The following COMMD2 variants were observed in gnomAD, a reference collection of about 807,000 sequenced individuals.
COMMD2 encodes COMM domain containing 2.
COMMD2 carries 25 observed loss-of-function variants against 22.5 expected under a neutral mutation model. That is an observed-to-expected ratio of 1.11 (90% CI 0.81 to 1.55). The LOEUF (loss-of-function observed/expected upper bound fraction) is 1.55. COMMD2 is among the 40% of genes most tolerant of loss of function. The probability of loss-of-function intolerance (pLI) is 0.00; values close to 1 mark genes in which losing one functional copy is unlikely to be tolerated. For missense variants in COMMD2, 223 were observed against 232.9 expected (o/e 0.96, Z 0.28); for synonymous variants, 98 against 91.2 (o/e 1.07, Z -0.42).
Position 149,750,850 on chromosome 3 carries a change from A to ATCATGAGCTTTGAGC in COMMD2, c.229_230insGCTCAAAGCTCATGA (p.Ser72_Met76dup). The ATCATGAGCTTTGAGC allele has an allele frequency of 6.4e-7, 1 of 1,553,254 alleles. No individual in the cohort carries two copies. The highest frequency in any genetic ancestry group is 8.7e-7 in the Non-Finnish European group (1 of 1,144,450). ...AGAGTCTTGGAAATCCAGTTCAGAAATCTAAGTGAATTGAGTTTAAAAGAA... is the reference window on the plus strand; with the variant it reads ...AGAGTCTTGGAAATCCAGTTCAGAAATCATGAGCTTTGAGCTCTAAGTGAATTGAGTTTAAAAGAA... On this transcript the variant is annotated inframe_insertion and splice_region_variant, in exon 4 of 5. Transcript: ENST00000473414.
rs1425249719 is a variant in COMMD2, at chr3:149,739,541, C to T, written c.*1980G>A. On this transcript the variant is annotated 3_prime_UTR_variant, in exon 5 of 5. Coordinates refer to ENST00000473414, the MANE Select transcript of COMMD2 (RefSeq NM_016094.4). ...TTTCTTGTTTTAATTGGGGTAAGAACAGTGGACAAAGAGTTGGAGATAGGT... is the reference window on the plus strand; with the variant it reads ...TTTCTTGTTTTAATTGGGGTAAGAATAGTGGACAAAGAGTTGGAGATAGGT... The T allele has an allele frequency of 6.6e-6, 1 of 152,194 alleles. No individual in the cohort carries two copies. Among genetic ancestry groups the T allele is most frequent in the East Asian group, 1.9e-4 (1 of 5,200 alleles). 9.4% of individuals were successfully genotyped at this position (152,194 alleles called of 1,614,324 possible). A position where few individuals can be genotyped will look rare whatever the true frequency, so the allele number is the denominator to read the frequency against.
rs949525159 is a variant in COMMD2 at position 149,740,463 on chromosome 3, T to C, written c.*1058A>G. The C allele has an allele frequency of 7.2e-5, 11 of 152,216 alleles. No homozygotes were observed. Among genetic ancestry groups the C allele is most frequent in the Admixed American group, 1.3e-4 (2 of 15,282 alleles). 9.4% of individuals were successfully genotyped at this position (152,216 alleles called of 1,614,324 possible). A position where few individuals can be genotyped will look rare whatever the true frequency, so the allele number is the denominator to read the frequency against. On this transcript the variant is annotated 3_prime_UTR_variant, in exon 5 of 5. Transcript: ENST00000473414. ...ATTTGTAAATGTAAATGACAGAGTG[T>C]CTCCTAGATGCTTTGGGTATGGTGG...
chr3:149,740,553 T>G lies in COMMD2; in HGVS notation c.*968A>C, dbSNP rs1222896758. 6.6e-6 allele frequency: 1 copy of G among 152,168 alleles called. No homozygotes were observed. The highest frequency in any genetic ancestry group is 1.5e-5 in the Non-Finnish European group (1 of 68,022). The allele number at this position is 152,168 out of a possible 1,614,324, so 9.4% of individuals were successfully genotyped here. ...AAATTTGAGTACTATTTAAGCCAAT[T>G]AATTAACCATGATCACTCAAACTTA... On this transcript the variant is annotated 3_prime_UTR_variant, in exon 5 of 5. Transcript: ENST00000473414.
At position 149,741,631 on chromosome 3, in the gene COMMD2, CTTT is replaced by C; in HGVS notation, c.487_489del (p.Lys163del). On this transcript the variant is annotated inframe_deletion, in exon 5 of 5. Transcript: ENST00000473414. The stretch of plus-strand genomic sequence containing the variant: ...AGGGTGGCTGGGTCTGTCTGCAGAA[CTTT>C]GGTGTTGTGATCTCCATTTTGATTA... 1 of 1,613,932 alleles carries C rather than the reference CTTT, an allele frequency of 6.2e-7. No homozygotes were observed. Among genetic ancestry groups the C allele is most frequent in the South Asian group, 1.1e-5 (1 of 91,078 alleles).
In COMMD2 at chr3:149,752,192, TCCC is replaced by T; in HGVS notation, c.145+15_145+17del. Reference sequence around the variant, plus strand: ...ACCGCCCTAGAAGCCTGCGGAGCCTTCCCCTTTCCCTTCTTACTGGCGGCGCCT... The same window carrying T: ...ACCGCCCTAGAAGCCTGCGGAGCCTTCTTTCCCTTCTTACTGGCGGCGCCT... On this transcript the variant is annotated intron_variant, in intron 2 of 4. Transcript: ENST00000473414. 6.2e-7 allele frequency: 1 copy of T among 1,610,646 alleles called. No individual in the cohort carries two copies. The highest frequency in any genetic ancestry group is 8.5e-7 in the Non-Finnish European group (1 of 1,177,514).
At chr3:149,742,721 C>A (rs547031679) in intron 4 of COMMD2, among the ~76,000 whole-genome samples, 1 of 152,122 alleles carries the variant, frequency 6.6e-6, no homozygotes, top group Non-Finnish European at 1.5e-5. Flanking sequence ...GTAATCTCAG[C>A]ACTTTTGGGG....
At chr3:149,750,609 C>T in intron 4 of COMMD2, 69 bp downstream of exon 4, 2 of 1,158,670 alleles carry the variant, frequency 1.7e-6, no homozygotes, top group South Asian at 1.7e-5. Flanking sequence ...GTAAAGAATA[C>T]AATAAACAGG....
rs993395773 is a variant in COMMD2, at chr3:149,750,591, T to C, written c.402+87A>G. ...AACAAAGTTTCAAACCGCATCTTAG[T>C]TAAGGTGGTAAAGAATACAATAAAC... On this transcript the variant is annotated intron_variant, in intron 4 of 4. Transcript: ENST00000473414. The C allele has an allele frequency of 6.6e-6, 6 of 912,868 alleles. No homozygotes were observed. In the African/African-American group the frequency reaches 1.0e-4, roughly 15 times the overall value. 56.5% of individuals were successfully genotyped at this position (912,868 alleles called of 1,614,324 possible).
chr3:149,751,614 T>C (rs550215317), intron 2 of COMMD2, 129 bp from the exon 3 acceptor site: 12 of 803,844 alleles, frequency 1.5e-5, no homozygotes, highest in Non-Finnish European at 2.0e-5. Flanking sequence ...AACAGTAAGT[T>C]GGCCAGAGGC....
rs1185421779 is a variant in COMMD2 at position 149,741,664 on chromosome 3, G to C, written c.457C>G (p.His153Asp). 6.2e-7 allele frequency: 1 copy of C among 1,614,016 alleles called. No homozygotes were observed. Among genetic ancestry groups the C allele is most frequent in the Middle Eastern group, 1.6e-4 (1 of 6,062 alleles). Residue 153 changes from histidine (H) to aspartate (D), a missense_variant, in exon 5 of 5, where the codon CAC (histidine) becomes GAC (aspartate). His to Asp is a moderately conservative substitution (Grantham distance 81). Transcript: ENST00000473414. Reference sequence around the variant, plus strand: ...TTGTGATCTCCATTTTGATTAAGGTGTAGCTTTATAGTCACTGCTGGTTTA... The same window carrying C: ...TTGTGATCTCCATTTTGATTAAGGTCTAGCTTTATAGTCACTGCTGGTTTA... ...QIKPAVTIKLHLNQNGDHNTK... is the reference protein window; with the variant it reads ...QIKPAVTIKLDLNQNGDHNTK...
At chr3:149,751,982 T>G in intron 2 of COMMD2, 1 of 501,868 alleles carries the variant, frequency 2.0e-6, no homozygotes, top group South Asian at 3.3e-5. Context: ...GGTGGTATTA[T>G]GTACATTTTA....
chr3:149,750,476 A>G, intron 4 of COMMD2: 1 of 557,514 alleles, frequency 1.8e-6, no homozygotes, highest in East Asian at 3.1e-5. Context: ...CCAATTTCTT[A>G]CAAACTTTGC....
chr3:149,741,831 G>T, intron 4 of COMMD2, 113 bp from the exon 5 acceptor site: 1 of 798,136 alleles, frequency 1.3e-6, no homozygotes, highest in Non-Finnish European at 2.0e-6. Context: ...ATGAATTACA[G>T]ACTTCAAAAT....
chr3:149,749,252 C>T (rs771117560), intron 4 of COMMD2, among the ~76,000 whole-genome samples: 7 of 152,186 alleles, frequency 4.6e-5, no homozygotes, highest in Non-Finnish European at 8.8e-5. Context: ...TATCCGCCTG[C>T]CTTGGCCTCT....
intron 4 of COMMD2, among the ~76,000 whole-genome samples, chr3:149,743,835 C>T (rs1026597927): frequency 6.6e-6 from 1 of 152,112 alleles, no homozygotes; most frequent in Non-Finnish European, 1.5e-5. Context: ...GAGACTGCAC[C>T]GACAGACAGG....
intron 3 of COMMD2, 152 bp from the exon 4 acceptor site, chr3:149,751,003 G>T: frequency 1.7e-6 from 1 of 575,008 alleles, no homozygotes; most frequent in Non-Finnish European, 2.9e-6. Context: ...CAAAATCTGT[G>T]TTACCAATAC....
chr3:149,752,469 G>T lies in COMMD2; in HGVS notation c.-25C>A. On this transcript the variant is annotated 5_prime_UTR_variant, in exon 1 of 5. Transcript: ENST00000473414. ...TCTTCACTGTCCTACGATTTCACCC[G>T]GCAGCGCCGACCCCGCCTTCGCCAC... is the stretch of plus-strand genomic sequence containing the variant. 1 of 1,601,898 alleles carries T rather than the reference G, an allele frequency of 6.2e-7. No homozygotes were observed. Among genetic ancestry groups the T allele is most frequent in the Non-Finnish European group, 8.5e-7 (1 of 1,173,100 alleles).
Position 149,752,424 on chromosome 3 carries a change from C to T in COMMD2, c.21G>A (p.Glu7=), listed in dbSNP as rs1716561225. MLLELS[E]EHKEHLAFLP... ...GGAAGGCCAGGTGTTCCTTATGCTC[C>T]TCGGACAATTCCAGCAGCATCTTCA... The change falls in exon 1 of 5, where the codon GAG becomes GAA. Residue 7 remains glutamate, a synonymous_variant. Coordinates refer to ENST00000473414, the MANE Select transcript of COMMD2 (RefSeq NM_016094.4). The T allele has an allele frequency of 6.2e-7, 1 of 1,613,980 alleles. No individual in the cohort carries two copies. The highest frequency in any genetic ancestry group is 8.5e-7 in the Non-Finnish European group (1 of 1,179,900).
chr3:149,749,419 T>A (rs1716465783), intron 4 of COMMD2, among the ~76,000 whole-genome samples: 1 of 152,226 alleles, frequency 6.6e-6, no homozygotes, highest in South Asian at 2.1e-4. Flanking sequence ...AAGAAGCCAC[T>A]ACAACAGTGG....
Sources: allele counts gnomAD v4.1 joint callset (sites outside exome capture counted in the v4.1 genomes callset), GRCh38; gene constraint gnomAD v4.1.1; transcripts MANE v1.5; gene names NCBI Gene and HGNC (gene_info 2026-07-23, HGNC 2026-07-21).